Variants in KIR2DL3 observed in about 807,000 individuals in gnomAD.
KIR2DL3 encodes killer cell immunoglobulin like receptor, two Ig domains and long cytoplasmic tail 3.
A neutral mutation model predicts 33.8 loss-of-function variants in KIR2DL3; 39 were observed. The observed-to-expected ratio is 1.15, with a 90% CI of 0.89 to 1.51. KIR2DL3 has a LOEUF of 1.51. Among genes scored for constraint, KIR2DL3 ranks in the 40% most tolerant of loss-of-function variants. KIR2DL3 has a pLI of 0.00. For missense variants in KIR2DL3, 462 were observed against 426.2 expected (o/e 1.08, Z -0.74); for synonymous variants, 174 against 160.2 (o/e 1.09, Z -0.65).
At chr19:54,745,754 T>G (rs1386150602) in intron 4 of KIR2DL3, among the ~76,000 whole-genome samples, 2 of 151,628 alleles carry the variant, frequency 1.3e-5, no homozygotes, top group Admixed American at 6.6e-5. Flanking sequence ...GGGTTCTCCT[T>G]TCTCTACCAC....
chr19:54,741,083 G>A (rs1434785332), intron 2 of KIR2DL3, among the ~76,000 whole-genome samples: 3 of 151,870 alleles, frequency 2.0e-5, no homozygotes, highest in South Asian at 2.1e-4. Context: ...ACTGGAAGGT[G>A]TCAGTGTGGT....
At chr19:54,749,080 G>A (rs1433282810) in intron 5 of KIR2DL3, among the ~76,000 whole-genome samples, 1 of 152,080 alleles carries the variant, frequency 6.6e-6, no homozygotes, top group African/African-American at 2.4e-5. Flanking sequence ...TGTCAGCCGT[G>A]AAGGCACAAA....
intron 2 of KIR2DL3, among the ~76,000 whole-genome samples, chr19:54,741,063 T>A (rs2070990443): frequency 6.6e-6 from 1 of 151,978 alleles, no homozygotes; most frequent in South Asian, 2.1e-4. Context: ...GTCCAATTTC[T>A]GTCTCCAGTA....
chr19:54,744,954 ATTTTTTTT>A (rs71195797), intron 4 of KIR2DL3, among the ~76,000 whole-genome samples: 251 of 30,852 alleles, frequency 8.1e-3, no homozygotes, highest in African/African-American at 9.7e-3. Flanking sequence ...ATATATATAT[ATTTTTTTT>A]TTTTTTTTTT....
chr19:54,743,288 G>T (rs1411665688), intron 3 of KIR2DL3, among the ~76,000 whole-genome samples: 4 of 152,148 alleles, frequency 2.6e-5, no homozygotes, highest in Admixed American at 2.0e-4. Flanking sequence ...CGTACAGATA[G>T]AGAGGCAGAC....
rs1324770786 is a variant in KIR2DL3 at position 54,744,165 on chromosome 19, A to G, written c.664+77A>G. ...GAGGAGCTTCCTGCTGATGATGGAGAGAAGCATGGACAGATGCAGAGAGAA... is the reference window on the plus strand; with the variant it reads ...GAGGAGCTTCCTGCTGATGATGGAGGGAAGCATGGACAGATGCAGAGAGAA... On this transcript the variant is annotated intron_variant, in intron 4 of 7. Coordinates refer to ENST00000342376, the MANE Select transcript of KIR2DL3 (RefSeq NM_015868.3). The G allele has an allele frequency of 2.1e-4, 333 of 1,590,124 alleles. No individual in the cohort carries two copies. In the South Asian group the frequency reaches 3.4e-3, roughly 16 times the overall value.
chr19:54,740,970 A>G (rs1267860984), intron 2 of KIR2DL3, among the ~76,000 whole-genome samples: 1 of 151,700 alleles, frequency 6.6e-6, no homozygotes, highest in South Asian at 2.1e-4. Flanking sequence ...TAGAGGCTGG[A>G]AAAGTCAAGG....
At chr19:54,741,637 C>A (rs632031) in intron 2 of KIR2DL3, among the ~76,000 whole-genome samples, 16,188 of 115,138 alleles carry the variant, frequency 0.14, 7 homozygotes, top group South Asian at 0.21. Flanking sequence ...GAGATTGAAC[C>A]AGGCTGATAA....
At chr19:54,744,952 ATATTTTTTTTT>A (rs1353529363) in intron 4 of KIR2DL3, among the ~76,000 whole-genome samples, 732 of 26,876 alleles carry the variant, frequency 0.027, 2 homozygotes, top group Non-Finnish European at 0.039. Context: ...ATATATATAT[ATATTTTTTTTT>A]TTTTTTTTTT....
intron 2 of KIR2DL3, among the ~76,000 whole-genome samples, chr19:54,741,194 C>CCAGG (rs1457132738): frequency 1.3e-5 from 2 of 151,260 alleles, no homozygotes; most frequent in Non-Finnish European, 2.9e-5. Context: ...CCAAGGAAAG[C>CCAGG]CAGGCATGGT....
chr19:54,742,212 C>G lies in KIR2DL3; in HGVS notation c.303C>G (p.Tyr101Ter). The G allele has an allele frequency of 6.2e-7, 1 of 1,614,138 alleles. No individual in the cohort carries two copies. The highest frequency in any genetic ancestry group is 1.1e-5 in the South Asian group (1 of 91,084). The change falls in exon 3 of 8, where the codon TAC becomes TAG. Residue 101 changes from tyrosine (Y) to a stop codon, truncating the protein, a stop_gained. Transcript: ENST00000342376. LOFTEE classifies it high-confidence loss of function. ...MQDLAGTYRC[Y>*]GSVTHSPYQL... ...ACCTTGCAGGGACCTACAGATGCTA[C>G]GGTTCTGTTACTCACTCCCCCTATC...
chr19:54,744,892 A>ACATTT (rs1293103414), intron 4 of KIR2DL3, among the ~76,000 whole-genome samples: 21 of 71,290 alleles, frequency 2.9e-4, no homozygotes, highest in South Asian at 4.9e-4. Flanking sequence ...ATATATATAT[A>ACATTT]TATATACACA....
intron 2 of KIR2DL3, among the ~76,000 whole-genome samples, chr19:54,740,758 T>G (rs9797807): frequency 0.26 from 37,536 of 145,212 alleles, 2,256 homozygotes; most frequent in South Asian, 0.32. Context: ...CTGTGACTAT[T>G]TATGTTATAG....
intron 4 of KIR2DL3, among the ~76,000 whole-genome samples, chr19:54,744,878 A>T (rs1338090734): frequency 1.4e-5 from 1 of 71,398 alleles, no homozygotes; most frequent in Admixed American, 1.5e-4. Context: ...ATTTATATAT[A>T]TATATATATA....
intron 2 of KIR2DL3, among the ~76,000 whole-genome samples, chr19:54,739,777 T>A (rs2070666676): frequency 6.6e-6 from 1 of 152,016 alleles, no homozygotes; most frequent in Admixed American, 6.6e-5. Flanking sequence ...GGTTGGGAAG[T>A]GGTAGGAACA....
In KIR2DL3 at chr19:54,749,048, G is replaced by A. The variant is rs1486551563; in HGVS notation, c.715+1663G>A. ...CGGATTGAACCCCTGAAAGATTGGC[G>A]GAAGGATTTTGCACACACAGCTGTC... On this transcript the variant is annotated intron_variant, in intron 5 of 7. Transcript: ENST00000342376. Among the ~76,000 whole-genome samples the A allele has an allele frequency of 5.2e-3, 779 of 151,060 alleles. 4 individuals are homozygous for A. The highest frequency in any genetic ancestry group is 0.017 in the African/African-American group (703 of 41,052).
Position 54,747,500 on chromosome 19 carries a change from A to G in KIR2DL3, c.715+115A>G, listed in dbSNP as rs960684385. Reference sequence around the variant, plus strand: ...TGACATTGTACGCCTGTCTTCTACCATCTCCGAACTCCAGATACTCCAACA... The same window carrying G: ...TGACATTGTACGCCTGTCTTCTACCGTCTCCGAACTCCAGATACTCCAACA... On this transcript the variant is annotated intron_variant, in intron 5 of 7. Transcript: ENST00000342376. The G allele has an allele frequency of 1.5e-5, 20 of 1,340,192 alleles. No homozygotes were observed. The Middle Eastern group carries it at 1.4e-3, about 96-fold the overall frequency. 83.0% of individuals were successfully genotyped at this position (1,340,192 alleles called of 1,614,324 possible). A position where few individuals can be genotyped will look rare whatever the true frequency, so the allele number is the denominator to read the frequency against.
chr19:54,746,741 G>C (rs1467683779), intron 4 of KIR2DL3, among the ~76,000 whole-genome samples: 2 of 150,298 alleles, frequency 1.3e-5, no homozygotes, highest in African/African-American at 2.4e-5. Context: ...TCAGCACTTT[G>C]GGAGCCCAAG....
rs71195797 is a variant in KIR2DL3 at position 54,744,954 on chromosome 19, ATTTTTTTTTTTTT to A, written c.664+877_664+889del. ...TATATATATATATATATATATATAT[ATTTTTTTTTTTTT>A]TTTTTTTTTTACCCTCCACCCTTTT... On this transcript the variant is annotated intron_variant, in intron 4 of 7. Transcript: ENST00000342376. 4.2e-3 allele frequency among the ~76,000 whole-genome samples: 131 copies of A among 31,226 alleles called. 1 individual carries two copies. The highest frequency in any genetic ancestry group is 0.013 in the African/African-American group (117 of 8,794). 20.5% of individuals were successfully genotyped at this position (31,226 alleles called of 152,430 possible).
Sources: gnomAD v4.1 joint callset for allele counts (sites outside exome capture counted in the v4.1 genomes callset) on GRCh38, gnomAD v4.1.1 for gene constraint, MANE v1.5 for transcripts, NCBI Gene and HGNC (gene_info 2026-07-23, HGNC 2026-07-21) for gene names.